Variants in CNTN4 observed in about 807,000 individuals in gnomAD.
CNTN4 encodes the protein contactin-4.
Under a neutral mutation model 122.5 loss-of-function variants are expected in CNTN4, and 77 were observed. The ratio of observed to expected loss-of-function variants is 0.63; its 90% confidence interval spans 0.52 to 0.76. The LOEUF (loss-of-function observed/expected upper bound fraction) is 0.76, where lower values mean the gene tolerates loss of function less well. CNTN4 is among the 30% of genes least tolerant of loss of function. CNTN4 has a pLI of 0.00. For synonymous variants in CNTN4, 512 were observed against 447.0 expected, an observed-to-expected ratio of 1.15 and a Z score of -1.83; for missense variants, 1,256 against 1,259.1, an observed-to-expected ratio of 1.00 and a Z score of 0.04.
intron 2 of CNTN4, among the ~76,000 whole-genome samples, chr3:2,156,528 T>C (rs1227184201): frequency 2.0e-5 from 3 of 152,160 alleles, no homozygotes; most frequent in Non-Finnish European, 4.4e-5. Flanking sequence ...CCATTACGCA[T>C]GTGGGACATC....
At chr3:3,054,095 A>AGGGGGGTAGTGTTCTC in intron 24 of CNTN4, 120 bp downstream of exon 24, 1 of 1,036,058 alleles carries the variant, frequency 9.7e-7, no homozygotes, top group Non-Finnish European at 1.5e-6. Context: ...GAAATGGAGA[A>AGGGGGGTAGTGTTCTC]CACTACCCCC....
At chr3:2,855,198 C>T (rs2093605420) in intron 7 of CNTN4, among the ~76,000 whole-genome samples, 2 of 152,200 alleles carry the variant, frequency 1.3e-5, no homozygotes, top group African/African-American at 2.4e-5. Context: ...CCTGGCACAT[C>T]AGTCAGGGTA....
At chr3:2,132,365 A>G (rs527800810) in intron 2 of CNTN4, 13 of 152,364 alleles carry the variant, frequency 8.5e-5, no homozygotes, top group Middle Eastern at 3.4e-3. Flanking sequence ...ACTCACAGAA[A>G]CACGAGGGGC....
chr3:2,307,262 C>T (rs567235950), intron 2 of CNTN4, among the ~76,000 whole-genome samples: 1 of 152,164 alleles, frequency 6.6e-6, no homozygotes, highest in Admixed American at 6.5e-5. Flanking sequence ...GGTGAAACCC[C>T]GTCTCTACTA....
intron 4 of CNTN4, among the ~76,000 whole-genome samples, chr3:2,681,218 C>G (rs1362972050): frequency 1.3e-5 from 2 of 152,138 alleles, no homozygotes; most frequent in Admixed American, 1.3e-4. Flanking sequence ...GATAATAGTT[C>G]TAGTAATACC....
intron 13 of CNTN4, among the ~76,000 whole-genome samples, chr3:2,929,448 A>G (rs1177830052): frequency 6.6e-6 from 1 of 152,232 alleles, no homozygotes; most frequent in Non-Finnish European, 1.5e-5. Flanking sequence ...AAGGAGCTAT[A>G]CAACAATTGT....
intron 4 of CNTN4, among the ~76,000 whole-genome samples, chr3:2,687,039 G>T (rs532754029): frequency 6.6e-6 from 1 of 152,180 alleles, no homozygotes; most frequent in African/African-American, 2.4e-5. Context: ...GCCACAGGTG[G>T]CCATGACTTG....
intron 2 of CNTN4, among the ~76,000 whole-genome samples, chr3:2,138,120 G>T (rs1343923717): frequency 6.8e-6 from 1 of 147,774 alleles, no homozygotes; most frequent in Non-Finnish European, 1.5e-5. Flanking sequence ...AGGCTGAAGT[G>T]CAGTGGCACG....
chr3:2,576,007 T>G (rs988516411), intron 4 of CNTN4, among the ~76,000 whole-genome samples: 2 of 151,834 alleles, frequency 1.3e-5, no homozygotes, highest in Non-Finnish European at 2.9e-5. Flanking sequence ...GCTAATTTTT[T>G]TGTATTTTTA....
chr3:2,349,945 A>G (rs1471542742), intron 3 of CNTN4, among the ~76,000 whole-genome samples: 1 of 152,190 alleles, frequency 6.6e-6, no homozygotes, highest in Non-Finnish European at 1.5e-5. Context: ...ATACAACAGG[A>G]TGATATTAAC....
intron 3 of CNTN4, among the ~76,000 whole-genome samples, chr3:2,531,769 A>C (rs2077605988): frequency 6.6e-6 from 1 of 152,144 alleles, no homozygotes. Flanking sequence ...ATTAATGGTG[A>C]TGAATGCTCT....
chr3:2,481,483 C>G (rs1211157463), intron 3 of CNTN4, among the ~76,000 whole-genome samples: 2 of 152,000 alleles, frequency 1.3e-5, no homozygotes, highest in Non-Finnish European at 2.9e-5. Flanking sequence ...AACTGAACAT[C>G]AACATGTAAG....
chr3:2,726,263 G>A (rs1477874266), intron 4 of CNTN4, among the ~76,000 whole-genome samples: 1 of 152,152 alleles, frequency 6.6e-6, no homozygotes, highest in African/African-American at 2.4e-5. Flanking sequence ...CATTAGCCAG[G>A]CTTTGGTCAC....
At chr3:2,373,890 C>T (rs896690665) in intron 3 of CNTN4, among the ~76,000 whole-genome samples, 2 of 152,108 alleles carry the variant, frequency 1.3e-5, no homozygotes, top group South Asian at 2.1e-4. Flanking sequence ...TGCAACAGCA[C>T]GGAATGGCAT....
chr3:2,556,531 G>T (rs1338441226), intron 3 of CNTN4, among the ~76,000 whole-genome samples: 1 of 151,816 alleles, frequency 6.6e-6, no homozygotes, highest in East Asian at 1.9e-4. Flanking sequence ...AAACAAGTAG[G>T]GTTTTTATAA....
intron 2 of CNTN4, among the ~76,000 whole-genome samples, chr3:2,166,618 A>G (rs990205445): frequency 3.9e-5 from 6 of 152,156 alleles, no homozygotes; most frequent in East Asian, 1.9e-4. Flanking sequence ...CAAAAATGCA[A>G]TCATTTTTGT....
chr3:2,824,821 C>A (rs1340825579), intron 7 of CNTN4, among the ~76,000 whole-genome samples: 1 of 151,904 alleles, frequency 6.6e-6, no homozygotes, highest in Non-Finnish European at 1.5e-5. Flanking sequence ...CACCACCACA[C>A]CTGGCTAATT....
At chr3:2,950,786 T>C (rs527628205) in intron 13 of CNTN4, among the ~76,000 whole-genome samples, 2 of 152,348 alleles carry the variant, frequency 1.3e-5, no homozygotes, top group Non-Finnish European at 2.9e-5. Flanking sequence ...GATAATCTAA[T>C]CTCTATTTCC....
chr3:2,464,088 A>C (rs544235311), intron 3 of CNTN4, among the ~76,000 whole-genome samples: 3 of 152,278 alleles, frequency 2.0e-5, no homozygotes, highest in Non-Finnish European at 2.9e-5. Context: ...TGATTTCTAC[A>C]TGAAGTTTAC....
Sources: gnomAD v4.1 joint callset for allele counts (sites outside exome capture counted in the v4.1 genomes callset) on GRCh38, gnomAD v4.1.1 for gene constraint, MANE v1.5 for transcripts, NCBI Gene and HGNC (gene_info 2026-07-23, HGNC 2026-07-21) for gene names.